The following ARHGAP10 variants were observed in gnomAD, a reference collection of about 807,000 sequenced individuals.
ARHGAP10 encodes Rho GTPase activating protein 10, also known as rho GTPase-activating protein 10.
A neutral mutation model predicts 108.6 loss-of-function variants in ARHGAP10; 87 were observed. That is an observed-to-expected ratio of 0.80 (90% CI 0.67 to 0.96). The LOEUF (loss-of-function observed/expected upper bound fraction) is 0.96, where lower values mean the gene tolerates loss of function less well. ARHGAP10 is among the 40% of genes least tolerant of loss of function. The pLI, the probability that ARHGAP10 is intolerant of heterozygous loss-of-function variation, is 0.00. For missense variants in ARHGAP10, 939 were observed against 954.5 expected (o/e 0.98, Z 0.21); for synonymous variants, 347 against 341.1 (o/e 1.02, Z -0.19).
intron 13 of ARHGAP10, among the ~76,000 whole-genome samples, chr4:147,923,303 A>G (rs1475335231): frequency 6.6e-6 from 1 of 152,232 alleles, no homozygotes; most frequent in African/African-American, 2.4e-5. Flanking sequence ...GAGTAAGTAC[A>G]AATGAGCCGC....
At chr4:147,924,955 G>A (rs1323990311) in intron 13 of ARHGAP10, among the ~76,000 whole-genome samples, 4 of 150,734 alleles carry the variant, frequency 2.7e-5, no homozygotes. Flanking sequence ...GGCTCTAGGA[G>A]ATTGAAGAAC....
At chr4:147,944,617 AAAGG>A (rs1440426330) in intron 14 of ARHGAP10, among the ~76,000 whole-genome samples, 1 of 152,210 alleles carries the variant, frequency 6.6e-6, no homozygotes, top group Non-Finnish European at 1.5e-5. Context: ...GTGTTTTTAA[AAAGG>A]AAATGCTAAC....
At chr4:147,749,705 T>C (rs1729064288) in intron 1 of ARHGAP10, among the ~76,000 whole-genome samples, 1 of 152,244 alleles carries the variant, frequency 6.6e-6, no homozygotes, top group Non-Finnish European at 1.5e-5. Flanking sequence ...GAGTTTATTG[T>C]GTATGCAGGA....
chr4:147,762,573 C>T (rs1477726336), intron 1 of ARHGAP10, among the ~76,000 whole-genome samples: 1 of 151,132 alleles, frequency 6.6e-6, no homozygotes, highest in African/African-American at 2.4e-5. Context: ...TTCTGTCTCC[C>T]AGGCTGGAGT....
intron 19 of ARHGAP10, among the ~76,000 whole-genome samples, chr4:148,026,162 G>A (rs1741757031): frequency 6.6e-6 from 1 of 152,162 alleles, no homozygotes; most frequent in Non-Finnish European, 1.5e-5. Context: ...GTGGTTTGTG[G>A]TATGTTATTT....
intron 3 of ARHGAP10, among the ~76,000 whole-genome samples, chr4:147,840,391 A>T (rs1733363137): frequency 6.6e-6 from 1 of 151,508 alleles, no homozygotes; most frequent in Non-Finnish European, 1.5e-5. Flanking sequence ...CTTCCTCCCC[A>T]CTCACATGAA....
chr4:147,816,641 T>C (rs1314764143), intron 1 of ARHGAP10, among the ~76,000 whole-genome samples: 1 of 152,254 alleles, frequency 6.6e-6, no homozygotes, highest in Non-Finnish European at 1.5e-5. Context: ...TGATGCATTC[T>C]GGGCTTATGA....
At chr4:147,823,490 G>A (rs527858006) in intron 3 of ARHGAP10, among the ~76,000 whole-genome samples, 81 of 152,210 alleles carry the variant, frequency 5.3e-4, no homozygotes, top group Non-Finnish European at 1.0e-3. Context: ...AGGCATGGTG[G>A]GTCATGCCTG....
intron 20 of ARHGAP10, among the ~76,000 whole-genome samples, chr4:148,059,512 ACT>A (rs1166321080): frequency 1.3e-5 from 1 of 76,046 alleles, no homozygotes; most frequent in East Asian, 6.9e-4. Context: ...GTAGGAAAGG[ACT>A]CTCAAAAATT....
chr4:147,752,441 G>A (rs1465753490), intron 1 of ARHGAP10, among the ~76,000 whole-genome samples: 1 of 152,010 alleles, frequency 6.6e-6, no homozygotes, highest in South Asian at 2.1e-4. Flanking sequence ...TGAAAAAAAC[G>A]CTATTGTTTG....
At chr4:147,766,836 A>ATATATATATT (rs1729852960) in intron 1 of ARHGAP10, among the ~76,000 whole-genome samples, 2 of 43,630 alleles carry the variant, frequency 4.6e-5, no homozygotes, top group South Asian at 9.7e-4. Flanking sequence ...ATATATATAT[A>ATATATATATT]TATTTATTTA....
chr4:147,817,526 A>G (rs1732300086), intron 1 of ARHGAP10, among the ~76,000 whole-genome samples: 1 of 152,234 alleles, frequency 6.6e-6, no homozygotes, highest in Non-Finnish European at 1.5e-5. Flanking sequence ...CCTGAATTCA[A>G]AACGAGGTTG....
intron 8 of ARHGAP10, 66 bp from the exon 9 acceptor site, chr4:147,879,166 T>G (rs1256156628): frequency 7.7e-7 from 1 of 1,296,448 alleles, no homozygotes; most frequent in Non-Finnish European, 1.1e-6. Context: ...TTTAGTAATG[T>G]GTTTATAGCT....
Position 147,732,119 on chromosome 4 carries a change from CAGCTCCTCCG to C in ARHGAP10, c.-182_-173del. On this transcript the variant is annotated 5_prime_UTR_variant, in exon 1 of 23. Transcript: ENST00000336498. ...CCGCAGCTAGCGCTGGTCTCGGTGGCAGCTCCTCCGCGCCGCAGGACTCGGCTCTACGGGA... is the reference window on the plus strand; with the variant it reads ...CCGCAGCTAGCGCTGGTCTCGGTGGCCGCCGCAGGACTCGGCTCTACGGGA... 1 of 414,788 alleles carries C rather than the reference CAGCTCCTCCG, an allele frequency of 2.4e-6. No homozygotes were observed. Among genetic ancestry groups the C allele is most frequent in the Non-Finnish European group, 3.9e-6 (1 of 255,434 alleles). The allele number at this position is 414,788 out of a possible 1,614,324, so 25.7% of individuals were successfully genotyped here.
At chr4:147,859,366 G>A (rs1195140226) in intron 5 of ARHGAP10, among the ~76,000 whole-genome samples, 4 of 150,572 alleles carry the variant, frequency 2.7e-5, no homozygotes, top group South Asian at 4.2e-4. Flanking sequence ...TCCACCTGCC[G>A]GATTCAAGCG....
At position 147,946,677 on chromosome 4, in the gene ARHGAP10, T is replaced by C. The variant is rs1224709433; in HGVS notation, c.1364T>C (p.Ile455Thr). 6.2e-6 allele frequency: 10 copies of C among 1,611,858 alleles called. No homozygotes were observed. Among genetic ancestry groups the C allele is most frequent in the Non-Finnish European group, 8.5e-6 (10 of 1,179,340 alleles). The change falls in exon 15 of 23, where the codon ATA becomes ACA. Residue 455 changes from isoleucine (I) to threonine (T), a missense_variant. Physicochemically the swap from Ile to Thr is moderately conservative, Grantham distance 89. Coordinates refer to ENST00000336498, the MANE Select transcript of ARHGAP10 (RefSeq NM_024605.4). ...ENSADWEVKT[I>T]TSALKQYLRS... ...TCTGCAGATTGGGAAGTGAAGACAA[T>C]AACAAGTGCCTTGAAACAGTATTTG...
chr4:148,005,783 C>T (rs549472220), intron 18 of ARHGAP10, among the ~76,000 whole-genome samples: 25 of 152,312 alleles, frequency 1.6e-4, no homozygotes, highest in African/African-American at 4.6e-4. Context: ...ATGACAAAAA[C>T]GTGAAGCAGT....
chr4:148,024,118 C>A (rs1741677908), intron 19 of ARHGAP10, among the ~76,000 whole-genome samples: 1 of 152,212 alleles, frequency 6.6e-6, no homozygotes, highest in Admixed American at 6.5e-5. Context: ...TGTGCACACG[C>A]CTCCCATTGC....
At chr4:147,765,148 A>T (rs762805450) in intron 1 of ARHGAP10, among the ~76,000 whole-genome samples, 41 of 152,168 alleles carry the variant, frequency 2.7e-4, no homozygotes, top group Non-Finnish European at 5.6e-4. Flanking sequence ...GAAATCTAGG[A>T]GTCCACGCTA....
Sources: gnomAD v4.1 joint callset for allele counts (sites outside exome capture counted in the v4.1 genomes callset) on GRCh38, gnomAD v4.1.1 for gene constraint, MANE v1.5 for transcripts, NCBI Gene and HGNC (gene_info 2026-07-23, HGNC 2026-07-21) for gene names.